HLA-E: variants seen among roughly 807,000 people sequenced by gnomAD.
HLA-E encodes the protein major histocompatibility complex, class I, E.
Under a neutral mutation model 43.4 loss-of-function variants are expected in HLA-E, and 25 were observed. The ratio of observed to expected loss-of-function variants is 0.58; its 90% CI spans 0.42 to 0.80. The LOEUF (loss-of-function observed/expected upper bound fraction) is 0.80, where lower values mean the gene tolerates loss of function less well. Ranked by LOEUF, HLA-E falls within the 30% of genes least tolerant of loss-of-function variation. HLA-E has a pLI of 0.00. For missense variants in HLA-E, 343 were observed against 470.0 expected (o/e 0.73, Z 2.50); for synonymous variants, 161 against 197.6 (o/e 0.81, Z 1.55).
In HLA-E at chr6:30,492,768, G is replaced by A; in HGVS notation, c.*22G>A. On this transcript the variant is annotated 3_prime_UTR_variant, in exon 8 of 8. Coordinates refer to ENST00000376630, the MANE Select transcript of HLA-E (RefSeq NM_005516.6). This position sits in a 1 kb window ranked among gnomAD's most constrained non-coding sequence, Gnocchi z 4.5. ...CTGTAGCCTGAGACAGCTGCCTTGTGTGCGACTGAGATGCACAGCTGCCTT... is the reference window on the plus strand; with the variant it reads ...CTGTAGCCTGAGACAGCTGCCTTGTATGCGACTGAGATGCACAGCTGCCTT... 1.4e-6 allele frequency: 1 copy of A among 705,030 alleles called. No individual in the cohort carries two copies. The highest frequency in any genetic ancestry group is 1.7e-5 in the South Asian group (1 of 57,696). The allele number at this position is 705,030 out of a possible 1,614,324, so 43.7% of individuals were successfully genotyped here.
chr6:30,490,603 C>G lies in HLA-E; in HGVS notation c.610+88C>G. On this transcript the variant is annotated intron_variant, in intron 3 of 7. Transcript: ENST00000376630. This position sits in a 1 kb window ranked among gnomAD's most constrained non-coding sequence, Gnocchi z 6.6. ...GACAGACCTCAAACAGTAGAAGAAA[C>G]AGGGATGGAGGCCAGAATACCACTC... The G allele has an allele frequency of 7.5e-7, 1 of 1,336,170 alleles. No individual in the cohort carries two copies. The highest frequency in any genetic ancestry group is 2.3e-5 in the East Asian group (1 of 42,586). The allele number at this position is 1,336,170 out of a possible 1,614,324, so 82.8% of individuals were successfully genotyped here. A position where few individuals can be genotyped will look rare whatever the true frequency, so the allele number is the denominator to read the frequency against.
Position 30,491,103 on chromosome 6 carries a change from C to T in HLA-E, c.611-34C>T, listed in dbSNP as rs1457239740. On this transcript the variant is annotated intron_variant, in intron 3 of 7. Transcript: ENST00000376630. The surrounding 1 kb of genome is among the most constrained non-coding windows in gnomAD (Gnocchi z 5.4). The stretch of plus-strand genomic sequence containing the variant: ...CTGCTGGAGTGTCCCATGAGAGATA[C>T]AAAGTGCCTGAATTTTCTGACTCTT... The T allele has an allele frequency of 4.3e-6, 7 of 1,609,862 alleles. No individual in the cohort carries two copies. The highest frequency in any genetic ancestry group is 5.9e-6 in the Non-Finnish European group (7 of 1,177,366).
chr6:30,489,629 C>G lies in HLA-E; in HGVS notation c.64+34C>G. 6.3e-7 allele frequency: 1 copy of G among 1,595,602 alleles called. No individual in the cohort carries two copies. The highest frequency in any genetic ancestry group is 8.5e-7 in the Non-Finnish European group (1 of 1,170,102). On this transcript the variant is annotated intron_variant, in intron 1 of 7. Coordinates refer to ENST00000376630, the MANE Select transcript of HLA-E (RefSeq NM_005516.6). This position sits in a 1 kb window ranked among gnomAD's most constrained non-coding sequence, Gnocchi z 5.6. ...GGGGTCGGGATGGAAACGGCCTCTA[C>G]CGGGAGTAGAGAGGGGCCGGCCCGG...
In HLA-E at chr6:30,490,355, C is replaced by A; in HGVS notation, c.450C>A (p.Asp150Glu). The A allele has an allele frequency of 1.2e-6, 2 of 1,613,078 alleles. No individual in the cohort carries two copies. Among genetic ancestry groups the A allele is most frequent in the Non-Finnish European group, 1.7e-6 (2 of 1,180,022 alleles). Residue 150 changes from aspartate (D) to glutamate (E), a missense_variant, in exon 3 of 8, where the codon GAC becomes GAA. Physicochemically the swap from Asp to Glu is conservative, Grantham distance 45. This residue lies in a region of HLA-E where 190 missense variants were observed against 283.6 expected (regional missense o/e 0.67). Coordinates refer to ENST00000376630, the MANE Select transcript of HLA-E (RefSeq NM_005516.6). This position sits in a 1 kb window ranked among gnomAD's most constrained non-coding sequence, Gnocchi z 6.6. ...DGKDYLTLNE[D>E]LRSWTAVDTA... ...AGGATTATCTCACCCTGAATGAGGA[C>A]CTGCGCTCCTGGACCGCGGTGGACA...
In HLA-E at chr6:30,489,528, G is replaced by A. The variant is rs200004109; in HGVS notation, c.-4G>A. On this transcript the variant is annotated 5_prime_UTR_variant, in exon 1 of 8. Coordinates refer to ENST00000376630, the MANE Select transcript of HLA-E (RefSeq NM_005516.6). This position sits in a 1 kb window ranked among gnomAD's most constrained non-coding sequence, Gnocchi z 5.6. Reference sequence around the variant, plus strand: ...GAAGTTCTCAGGACTCAGAGGCTGGGATCATGGTAGATGGAACCCTCCTTT... The same window carrying A: ...GAAGTTCTCAGGACTCAGAGGCTGGAATCATGGTAGATGGAACCCTCCTTT... 4.9e-4 allele frequency: 740 copies of A among 1,519,594 alleles called. 2 individuals are homozygous for A. Among genetic ancestry groups the A allele is most frequent in the Non-Finnish European group, 6.0e-4 (682 of 1,135,124 alleles). 94.1% of individuals were successfully genotyped at this position (1,519,594 alleles called of 1,614,324 possible).
Position 30,491,738 on chromosome 6 carries a change from T to A in HLA-E, c.1003+85T>A. 9.0e-7 allele frequency: 1 copy of A among 1,114,170 alleles called. No individual in the cohort carries two copies. The highest frequency in any genetic ancestry group is 1.3e-6 in the Non-Finnish European group (1 of 758,404). The allele number at this position is 1,114,170 out of a possible 1,614,324, so 69.0% of individuals were successfully genotyped here. ...TAGGTAAAAGTGTGTCCTGCCTCGT[T>A]ACTGGGAAGCACCATCCACACACAC... On this transcript the variant is annotated intron_variant, in intron 5 of 7. Coordinates refer to ENST00000376630, the MANE Select transcript of HLA-E (RefSeq NM_005516.6). The surrounding 1 kb of genome is among the most constrained non-coding windows in gnomAD (Gnocchi z 5.4).
chr6:30,492,951 C>A lies in HLA-E; in HGVS notation c.*205C>A. The A allele has an allele frequency of 2.9e-6, 1 of 345,704 alleles. No homozygotes were observed. The highest frequency in any genetic ancestry group is 5.2e-6 in the Non-Finnish European group (1 of 190,534). The allele number at this position is 345,704 out of a possible 1,614,324, so 21.4% of individuals were successfully genotyped here. On this transcript the variant is annotated 3_prime_UTR_variant, in exon 8 of 8. Transcript: ENST00000376630. This position sits in a 1 kb window ranked among gnomAD's most constrained non-coding sequence, Gnocchi z 4.5. ...TCCACCTCTGTGTCTACCATGACCC[C>A]CTTCCTCACACTGACCTGTGTTCCT... is the stretch of plus-strand genomic sequence containing the variant.
Position 30,490,075 on chromosome 6 carries a change from G to A in HLA-E, c.334+80G>A. The A allele has an allele frequency of 6.6e-7, 1 of 1,518,408 alleles. No individual in the cohort carries two copies. The highest frequency in any genetic ancestry group is 2.3e-5 in the East Asian group (1 of 44,272). 94.1% of individuals were successfully genotyped at this position (1,518,408 alleles called of 1,614,324 possible). Reference sequence around the variant, plus strand: ...CGGCGCGGGTCCCCTCGAATCTTCGGGTCCCAGATTCACCCCAAGGCTGCG... The same window carrying A: ...CGGCGCGGGTCCCCTCGAATCTTCGAGTCCCAGATTCACCCCAAGGCTGCG... On this transcript the variant is annotated intron_variant, in intron 2 of 7. Coordinates refer to ENST00000376630, the MANE Select transcript of HLA-E (RefSeq NM_005516.6). The surrounding 1 kb of genome is among the most constrained non-coding windows in gnomAD (Gnocchi z 6.6).
Position 30,491,415 on chromosome 6 carries a change from A to G in HLA-E, c.886+3A>G, listed in dbSNP as rs1033690889. On this transcript the variant is annotated splice_donor_region_variant and intron_variant, in intron 4 of 7. Transcript: ENST00000376630. This position sits in a 1 kb window ranked among gnomAD's most constrained non-coding sequence, Gnocchi z 5.4. ...CGAGCCCGTCACCCTGAGATGGAGT[A>G]AGGAGGGGGATGGGAGGTCATGTCT... 3 of 1,613,936 alleles carry G rather than the reference A, an allele frequency of 1.9e-6. No individual in the cohort carries two copies. The highest frequency in any genetic ancestry group is 2.7e-5 in the African/African-American group (2 of 74,916).
In HLA-E at chr6:30,492,835, G is replaced by A. The variant is rs1185318379; in HGVS notation, c.*89G>A. On this transcript the variant is annotated 3_prime_UTR_variant, in exon 8 of 8. Coordinates refer to ENST00000376630, the MANE Select transcript of HLA-E (RefSeq NM_005516.6). The surrounding 1 kb of genome is among the most constrained non-coding windows in gnomAD (Gnocchi z 4.5). ...CAGGATTTCCTCACGCCTCCCCTAT[G>A]TGTCTTAGGGGACTCTGGCTTCTCT... 4.7e-6 allele frequency: 3 copies of A among 639,734 alleles called. No individual in the cohort carries two copies. Among genetic ancestry groups the A allele is most frequent in the Non-Finnish European group, 8.4e-6 (3 of 357,624 alleles). 39.6% of individuals were successfully genotyped at this position (639,734 alleles called of 1,614,324 possible).
In HLA-E at chr6:30,489,671, G is replaced by C; in HGVS notation, c.65-55G>C. The C allele has an allele frequency of 6.2e-7, 1 of 1,609,540 alleles. No individual in the cohort carries two copies. The highest frequency in any genetic ancestry group is 8.5e-7 in the Non-Finnish European group (1 of 1,178,114). On this transcript the variant is annotated intron_variant, in intron 1 of 7. Transcript: ENST00000376630. The surrounding 1 kb of genome is among the most constrained non-coding windows in gnomAD (Gnocchi z 5.6). ...CCGGCCCGGCGGGGGCGAAGGACTC[G>C]GGGAGCCGCGCCGGGAGGAGGGTCG...
chr6:30,491,514 C>A lies in HLA-E; in HGVS notation c.887-23C>A, dbSNP rs753245003. The A allele has an allele frequency of 6.2e-7, 1 of 1,612,286 alleles. No individual in the cohort carries two copies. Among genetic ancestry groups the A allele is most frequent in the Admixed American group, 1.7e-5 (1 of 59,966 alleles). ...GGCTGAGGCCTGGGGGTCAGGGCCCCTTACGTTCCCCTCTTTTCCCAGAGC... is the reference window on the plus strand; with the variant it reads ...GGCTGAGGCCTGGGGGTCAGGGCCCATTACGTTCCCCTCTTTTCCCAGAGC... On this transcript the variant is annotated intron_variant, in intron 4 of 7. Transcript: ENST00000376630. This position sits in a 1 kb window ranked among gnomAD's most constrained non-coding sequence, Gnocchi z 5.4.
Position 30,489,759 on chromosome 6 carries a change from T to C in HLA-E, c.98T>C (p.Val33Ala). The C allele has an allele frequency of 6.2e-7, 1 of 1,612,714 alleles. No homozygotes were observed. The highest frequency in any genetic ancestry group is 8.5e-7 in the Non-Finnish European group (1 of 1,179,914). The change falls in exon 2 of 8, where the codon GTG (valine) becomes GCG (alanine). Residue 33 changes from valine to alanine, a missense_variant. By Grantham distance (64) the Val-to-Ala change is moderately conservative. Around this residue, in one of 3 missense-constraint regions of HLA-E, gnomAD observed 94 missense variants for 144.4 expected, o/e 0.65. Coordinates refer to ENST00000376630, the MANE Select transcript of HLA-E (RefSeq NM_005516.6). This position sits in a 1 kb window ranked among gnomAD's most constrained non-coding sequence, Gnocchi z 5.6. ...TCCTTGAAGTATTTCCACACTTCCG[T>C]GTCCCGGCCCGGCCGCGGGGAGCCC... ...SHSLKYFHTS[V>A]SRPGRGEPRF...
Position 30,494,044 on chromosome 6 carries a change from G to C in HLA-E, c.*1298G>C, listed in dbSNP as rs969610494. 6.6e-6 allele frequency: 1 copy of C among 152,292 alleles called. No individual in the cohort carries two copies. Among genetic ancestry groups the C allele is most frequent in the African/African-American group, 2.4e-5 (1 of 41,470 alleles). The allele number at this position is 152,292 out of a possible 1,614,324, so 9.4% of individuals were successfully genotyped here. A position where few individuals can be genotyped will look rare whatever the true frequency, so the allele number is the denominator to read the frequency against. On this transcript the variant is annotated 3_prime_UTR_variant, in exon 8 of 8. Coordinates refer to ENST00000376630, the MANE Select transcript of HLA-E (RefSeq NM_005516.6). This position sits in a 1 kb window ranked among gnomAD's most constrained non-coding sequence, Gnocchi z 4.9. Reference sequence around the variant, plus strand: ...ATCCCTGCTCCAGTGTGTCCGTGAGGCAGCACACGAAGTCAAAAGAGATTA... The same window carrying C: ...ATCCCTGCTCCAGTGTGTCCGTGAGCCAGCACACGAAGTCAAAAGAGATTA...
At position 30,491,720 on chromosome 6, in the gene HLA-E, A is replaced by G; in HGVS notation, c.1003+67A>G. ...ACTGGGTGTTTCAAGCCCTAGGTAAAAGTGTGTCCTGCCTCGTTACTGGGA... is the reference window on the plus strand; with the variant it reads ...ACTGGGTGTTTCAAGCCCTAGGTAAGAGTGTGTCCTGCCTCGTTACTGGGA... On this transcript the variant is annotated intron_variant, in intron 5 of 7. Transcript: ENST00000376630. The surrounding 1 kb of genome is among the most constrained non-coding windows in gnomAD (Gnocchi z 5.4). 1 of 1,309,938 alleles carries G rather than the reference A, an allele frequency of 7.6e-7. No individual in the cohort carries two copies. Among genetic ancestry groups the G allele is most frequent in the Non-Finnish European group, 1.1e-6 (1 of 924,716 alleles). 81.1% of individuals were successfully genotyped at this position (1,309,938 alleles called of 1,614,324 possible).
At position 30,489,517 on chromosome 6, in the gene HLA-E, T is replaced by C. The variant is rs778020430; in HGVS notation, c.-15T>C. 6.6e-7 allele frequency: 1 copy of C among 1,515,988 alleles called. No individual in the cohort carries two copies. Among genetic ancestry groups the C allele is most frequent in the Non-Finnish European group, 8.8e-7 (1 of 1,132,898 alleles). 93.9% of individuals were successfully genotyped at this position (1,515,988 alleles called of 1,614,324 possible). Reference sequence around the variant, plus strand: ...TCCGGACTCAAGAAGTTCTCAGGACTCAGAGGCTGGGATCATGGTAGATGG... The same window carrying C: ...TCCGGACTCAAGAAGTTCTCAGGACCCAGAGGCTGGGATCATGGTAGATGG... On this transcript the variant is annotated 5_prime_UTR_variant, in exon 1 of 8. Transcript: ENST00000376630. The surrounding 1 kb of genome is among the most constrained non-coding windows in gnomAD (Gnocchi z 5.6).
chr6:30,490,648 G>A lies in HLA-E; in HGVS notation c.610+133G>A. On this transcript the variant is annotated intron_variant, in intron 3 of 7. Coordinates refer to ENST00000376630, the MANE Select transcript of HLA-E (RefSeq NM_005516.6). This position sits in a 1 kb window ranked among gnomAD's most constrained non-coding sequence, Gnocchi z 6.6. Reference sequence around the variant, plus strand: ...CCACTCCTCCCTTGGATCAGGAGAGGGAGCTGTCACCTGAGGTACAGGAGA... The same window carrying A: ...CCACTCCTCCCTTGGATCAGGAGAGAGAGCTGTCACCTGAGGTACAGGAGA... 3.4e-6 allele frequency: 3 copies of A among 878,060 alleles called. No homozygotes were observed. Among genetic ancestry groups the A allele is most frequent in the Non-Finnish European group, 5.1e-6 (3 of 586,108 alleles). 54.4% of individuals were successfully genotyped at this position (878,060 alleles called of 1,614,324 possible). A position where few individuals can be genotyped will look rare whatever the true frequency, so the allele number is the denominator to read the frequency against.
rs566220935 is a variant in HLA-E at position 30,490,201 on chromosome 6, G to A, written c.335-39G>A. On this transcript the variant is annotated intron_variant, in intron 2 of 7. Coordinates refer to ENST00000376630, the MANE Select transcript of HLA-E (RefSeq NM_005516.6). This position sits in a 1 kb window ranked among gnomAD's most constrained non-coding sequence, Gnocchi z 6.6. ...CCCACAGGGTGGTGGCGACGGGGGCGGGGCTTGGTGGGCGGGACTGACTAA... is the reference window on the plus strand; with the variant it reads ...CCCACAGGGTGGTGGCGACGGGGGCAGGGCTTGGTGGGCGGGACTGACTAA... 35 of 1,597,968 alleles carry A rather than the reference G, an allele frequency of 2.2e-5. 1 individual carries two copies. The Middle Eastern group carries it at 6.2e-4, about 28-fold the overall frequency.
Position 30,489,659 on chromosome 6 carries a change from G to T in HLA-E, c.64+64G>T. 1 of 1,608,116 alleles carries T rather than the reference G, an allele frequency of 6.2e-7. No individual in the cohort carries two copies. The highest frequency in any genetic ancestry group is 8.5e-7 in the Non-Finnish European group (1 of 1,177,010). ...AGTAGAGAGGGGCCGGCCCGGCGGGGGCGAAGGACTCGGGGAGCCGCGCCG... is the reference window on the plus strand; with the variant it reads ...AGTAGAGAGGGGCCGGCCCGGCGGGTGCGAAGGACTCGGGGAGCCGCGCCG... On this transcript the variant is annotated intron_variant, in intron 1 of 7. Coordinates refer to ENST00000376630, the MANE Select transcript of HLA-E (RefSeq NM_005516.6). The surrounding 1 kb of genome is among the most constrained non-coding windows in gnomAD (Gnocchi z 5.6).
Sources: gnomAD v4.1 joint callset for allele counts on GRCh38, gnomAD v4.1.1 for gene constraint, gnomAD v4.1.1 regional missense constraint, Gnocchi (gnomAD v3.1) non-coding constraint, MANE v1.5 for transcripts, NCBI Gene and HGNC (gene_info 2026-07-23, HGNC 2026-07-21) for gene names.